The following FILIP1 variants were observed in gnomAD, a reference collection of about 807,000 sequenced individuals.
FILIP1 encodes the protein filamin A interacting protein 1.
A neutral mutation model predicts 102.1 loss-of-function variants in FILIP1; 61 were observed. The ratio of observed to expected loss-of-function variants is 0.60; its 90% CI spans 0.49 to 0.74. The LOEUF is 0.74. Among genes scored for constraint, FILIP1 ranks in the 30% least tolerant of loss-of-function variants. The probability of loss-of-function intolerance (pLI) is 0.00; values close to 1 mark genes in which losing one functional copy is unlikely to be tolerated. For synonymous variants in FILIP1, 491 were observed against 526.9 expected, an observed-to-expected ratio of 0.93 and a Z score of 0.93; for missense variants, 1,314 against 1,441.2, an observed-to-expected ratio of 0.91 and a Z score of 1.43.
intron 1 of FILIP1, among the ~76,000 whole-genome samples, chr6:75,485,306 TG>T (rs1158178989): frequency 2.0e-5 from 3 of 152,220 alleles, no homozygotes; most frequent in Non-Finnish European, 4.4e-5. Flanking sequence ...ATGTTTAGCC[TG>T]TCAGGTGAGT....
At chr6:75,381,928 C>G (rs1485396499) in intron 2 of FILIP1, among the ~76,000 whole-genome samples, 1 of 152,098 alleles carries the variant, frequency 6.6e-6, no homozygotes, top group Non-Finnish European at 1.5e-5. Flanking sequence ...TATCTAACTC[C>G]AAAATATTTG....
intron 2 of FILIP1, among the ~76,000 whole-genome samples, chr6:75,364,155 C>T (rs951934034): frequency 2.6e-5 from 4 of 152,110 alleles, no homozygotes; most frequent in African/African-American, 7.2e-5. Flanking sequence ...GCCACATATA[C>T]GTATGCTCAC....
intron 2 of FILIP1, among the ~76,000 whole-genome samples, chr6:75,389,171 G>C (rs1453358597): frequency 6.6e-6 from 1 of 152,130 alleles, no homozygotes; most frequent in Non-Finnish European, 1.5e-5. Flanking sequence ...GATGGATTAC[G>C]TTTATTGATT....
intron 4 of FILIP1, among the ~76,000 whole-genome samples, chr6:75,324,060 T>C (rs1006004429): frequency 6.6e-6 from 1 of 152,288 alleles, no homozygotes; most frequent in African/African-American, 2.4e-5. Flanking sequence ...TTAGGTGGTG[T>C]CTTTGTAGCA....
chr6:75,420,715 G>T (rs886456091), intron 1 of FILIP1, among the ~76,000 whole-genome samples: 3 of 151,982 alleles, frequency 2.0e-5, no homozygotes, highest in Non-Finnish European at 4.4e-5. Context: ...TTCAGGCCTC[G>T]TCTGACTATT....
rs184571450 is a variant in FILIP1, at chr6:75,412,272, C to T, written c.276+2425G>A. Among the ~76,000 whole-genome samples, 316 of 152,098 alleles carry T rather than the reference C, an allele frequency of 2.1e-3. 2 individuals are homozygous for T. Among genetic ancestry groups the T allele is most frequent in the Non-Finnish European group, 3.1e-3 (213 of 68,000 alleles). On this transcript the variant is annotated intron_variant, in intron 2 of 5. Transcript: ENST00000237172. ...GATTTTTGCACATTGATTTTGTATC[C>T]GGAGACTTTGCTGATGTTGCTTATC...
At position 75,348,781 on chromosome 6, in the gene FILIP1, C is replaced by G. The variant is rs956973068; in HGVS notation, c.629+4758G>C. Among the ~76,000 whole-genome samples, 3 of 152,178 alleles carry G rather than the reference C, an allele frequency of 2.0e-5. No homozygotes were observed. In the East Asian group the frequency reaches 5.8e-4, roughly 29 times the overall value. ...TAAGTAAAACACTGTGTATGCTATT[C>G]AGATTCAACTTCAAAACAAGTCCCA... On this transcript the variant is annotated intron_variant, in intron 4 of 5. Transcript: ENST00000237172.
chr6:75,489,735 C>T (rs952520710), intron 1 of FILIP1, among the ~76,000 whole-genome samples: 1 of 152,006 alleles, frequency 6.6e-6, no homozygotes, highest in Admixed American at 6.6e-5. Context: ...CTTCCATGAA[C>T]ATCTTCTGGT....
intron 1 of FILIP1, among the ~76,000 whole-genome samples, chr6:75,482,791 C>T (rs1173519942): frequency 6.6e-6 from 1 of 152,114 alleles, no homozygotes; most frequent in Non-Finnish European, 1.5e-5. Context: ...ATCAAGGAAA[C>T]ATTATGTTCA....
intron 1 of FILIP1, among the ~76,000 whole-genome samples, chr6:75,438,411 G>A (rs889813582): frequency 6.6e-6 from 1 of 152,170 alleles, no homozygotes; most frequent in African/African-American, 2.4e-5. Flanking sequence ...GAAAGCCTAA[G>A]ATAAATTTAA....
intron 2 of FILIP1, among the ~76,000 whole-genome samples, chr6:75,376,625 A>C (rs1046057692): frequency 6.6e-6 from 1 of 152,198 alleles, no homozygotes; most frequent in Non-Finnish European, 1.5e-5. Flanking sequence ...TTTTCTGATA[A>C]GAGCGAATTG....
chr6:75,404,600 C>G (rs6904580), intron 2 of FILIP1, among the ~76,000 whole-genome samples: 87,579 of 151,928 alleles, frequency 0.58, 25,564 homozygotes, highest in South Asian at 0.7. Flanking sequence ...CTTTAGCATT[C>G]CCCTCTGCAA....
intron 2 of FILIP1, among the ~76,000 whole-genome samples, chr6:75,392,754 T>C (rs1256410061): frequency 6.6e-6 from 1 of 152,144 alleles, no homozygotes; most frequent in African/African-American, 2.4e-5. Context: ...TGAGAGATGG[T>C]TGAATCATGG....
intron 1 of FILIP1, among the ~76,000 whole-genome samples, chr6:75,423,476 A>C (rs888733430): frequency 3.9e-5 from 6 of 152,150 alleles, no homozygotes; most frequent in African/African-American, 1.4e-4. Flanking sequence ...ACTTGCACCA[A>C]AAAAAGGTCA....
chr6:75,487,707 TA>T (rs1779834142), intron 1 of FILIP1, among the ~76,000 whole-genome samples: 1 of 152,124 alleles, frequency 6.6e-6, no homozygotes, highest in African/African-American at 2.4e-5. Flanking sequence ...AATTATTTTT[TA>T]AAGAATGCAT....
At chr6:75,426,755 C>T (rs569121986) in intron 1 of FILIP1, among the ~76,000 whole-genome samples, 7 of 120,750 alleles carry the variant, frequency 5.8e-5, no homozygotes, top group African/African-American at 2.2e-4. Context: ...AGAGGCCAAG[C>T]TGAGAGACGA....
chr6:75,407,486 A>G (rs1776909148), intron 2 of FILIP1, among the ~76,000 whole-genome samples: 1 of 152,176 alleles, frequency 6.6e-6, no homozygotes, highest in Admixed American at 6.5e-5. Context: ...TCGGCCTCCC[A>G]TAGTGCTGGG....
chr6:75,348,867 G>A (rs576533983), intron 4 of FILIP1, among the ~76,000 whole-genome samples: 49 of 152,268 alleles, frequency 3.2e-4, no homozygotes, highest in African/African-American at 1.2e-3. Context: ...TAGAGACACC[G>A]CTGGTCCTAA....
At chr6:75,397,570 ACACACACACG>A (rs1362452648) in intron 2 of FILIP1, among the ~76,000 whole-genome samples, 25 of 80,116 alleles carry the variant, frequency 3.1e-4, no homozygotes, top group African/African-American at 1.8e-3. Flanking sequence ...ACACACACAC[ACACACACACG>A]TATACATATA....
Sources: allele counts gnomAD v4.1 joint callset (sites outside exome capture counted in the v4.1 genomes callset), GRCh38; gene constraint gnomAD v4.1.1; transcripts MANE v1.5; gene names NCBI Gene and HGNC (gene_info 2026-07-23, HGNC 2026-07-21).